Variants in PXDNL observed in about 807,000 individuals in gnomAD.
PXDNL encodes the protein peroxidasin like.
PXDNL carries 145 observed loss-of-function variants against 150.8 expected under a neutral mutation model. That is an observed-to-expected ratio of 0.96 (90% confidence interval 0.84 to 1.10). The LOEUF (loss-of-function observed/expected upper bound fraction) is 1.10. Among genes scored for constraint, PXDNL ranks in the 50% least tolerant of loss-of-function variants. The pLI is 0.00. For synonymous variants in PXDNL, 757 were observed against 725.7 expected (o/e 1.04, Z -0.69); for missense variants, 2,087 against 1,873.9 (o/e 1.11, Z -2.10).
intron 2 of PXDNL, among the ~76,000 whole-genome samples, chr8:51,630,316 T>TAAAACTATA (rs1814463486): frequency 6.6e-6 from 1 of 152,000 alleles, no homozygotes; most frequent in South Asian, 2.1e-4. Flanking sequence ...ATGTAACATG[T>TAAAACTATA]AAAACTATAA....
At chr8:51,680,776 G>C (rs1815730107) in intron 1 of PXDNL, among the ~76,000 whole-genome samples, 2 of 152,108 alleles carry the variant, frequency 1.3e-5, no homozygotes, top group South Asian at 4.1e-4. Flanking sequence ...GCGTCCCTGT[G>C]CCTCAATTTT....
intron 5 of PXDNL, among the ~76,000 whole-genome samples, chr8:51,498,833 C>T (rs955214540): frequency 6.6e-6 from 1 of 152,186 alleles, no homozygotes; most frequent in African/African-American, 2.4e-5. Flanking sequence ...TAAAATAGAA[C>T]TATGCAAGTT....
intron 4 of PXDNL, among the ~76,000 whole-genome samples, chr8:51,542,341 G>T (rs898910866): frequency 6.6e-6 from 1 of 152,080 alleles, no homozygotes; most frequent in African/African-American, 2.4e-5. Context: ...CAAGTTTATT[G>T]AATATTATGG....
intron 17 of PXDNL, among the ~76,000 whole-genome samples, chr8:51,379,940 T>G (rs1159371268): frequency 1.3e-5 from 2 of 152,150 alleles, no homozygotes; most frequent in Non-Finnish European, 2.9e-5. Flanking sequence ...TTGCAGCTCT[T>G]TCAAATAGGA....
rs145006537 is a variant in PXDNL, at chr8:51,794,641, G to T, written c.164+14540C>A. Among the ~76,000 whole-genome samples the T allele has an allele frequency of 4.7e-3, 717 of 152,238 alleles. 5 individuals are homozygous for T. The highest frequency in any genetic ancestry group is 0.017 in the Middle Eastern group (5 of 294). ...AATTCATCACCACCAGGCCTGCCTT[G>T]CAAGAGCTCCTGAAGGAAGTACTAA... On this transcript the variant is annotated intron_variant, in intron 1 of 22. Coordinates refer to ENST00000356297, the MANE Select transcript of PXDNL (RefSeq NM_144651.5).
Position 51,744,063 on chromosome 8 carries a change from AAGGAAGGAAGGAAGGAAGGAAG to A in PXDNL, c.164+65096_164+65117del, listed in dbSNP as rs2036940444. Among the ~76,000 whole-genome samples, 313 of 76,094 alleles carry A rather than the reference AAGGAAGGAAGGAAGGAAGGAAG, an allele frequency of 4.1e-3. 12 individuals are homozygous for A. Among genetic ancestry groups the A allele is most frequent in the African/African-American group, 9.2e-3 (201 of 21,894 alleles). The allele number at this position is 76,094 out of a possible 152,430, so 49.9% of individuals were successfully genotyped here. ...GAAGGAAGGAAGGAAGGAAGGAAGG[AAGGAAGGAAGGAAGGAAGGAAG>A]GAAGGAAGGAAAGAAAGAAAGAAAG... On this transcript the variant is annotated intron_variant, in intron 1 of 22. Transcript: ENST00000356297.
At chr8:51,330,114 C>A (rs77153470) in intron 21 of PXDNL, among the ~76,000 whole-genome samples, 1,617 of 152,272 alleles carry the variant, frequency 0.011, 26 homozygotes, top group African/African-American at 0.037. Context: ...TGCCCCCCTA[C>A]ACTGGGAGGG....
intron 17 of PXDNL, among the ~76,000 whole-genome samples, chr8:51,376,728 T>C (rs1233623415): frequency 6.6e-6 from 1 of 151,598 alleles, no homozygotes; most frequent in Non-Finnish European, 1.5e-5. Context: ...TCTCTCTCTT[T>C]TTTTTTTTTA....
At chr8:51,634,031 G>A (rs1814549137) in intron 2 of PXDNL, among the ~76,000 whole-genome samples, 1 of 152,078 alleles carries the variant, frequency 6.6e-6, no homozygotes, top group East Asian at 1.9e-4. Context: ...TGCTTTTGAG[G>A]ACTTAGTCAT....
At chr8:51,787,100 G>GAGAA (rs1554516004) in intron 1 of PXDNL, among the ~76,000 whole-genome samples, 3 of 140,998 alleles carry the variant, frequency 2.1e-5, no homozygotes, top group African/African-American at 5.3e-5. Context: ...CTACTTCCCA[G>GAGAA]AAAAAAAAAA....
At chr8:51,576,558 A>T (rs1813059811) in intron 3 of PXDNL, among the ~76,000 whole-genome samples, 1 of 151,936 alleles carries the variant, frequency 6.6e-6, no homozygotes. Context: ...ACATGCTTAC[A>T]TTATAAAAGA....
chr8:51,385,978 A>G (rs190166198), intron 17 of PXDNL, among the ~76,000 whole-genome samples: 2 of 152,354 alleles, frequency 1.3e-5, no homozygotes, highest in Admixed American at 1.3e-4. Context: ...GTGTTTATCA[A>G]GCAGCATGAA....
At chr8:51,626,220 T>C (rs1433084405) in intron 2 of PXDNL, among the ~76,000 whole-genome samples, 1 of 152,244 alleles carries the variant, frequency 6.6e-6, no homozygotes, top group Non-Finnish European at 1.5e-5. Flanking sequence ...TAGTTTTCTA[T>C]CTGCCTACTT....
chr8:51,375,297 A>G (rs189109624), intron 17 of PXDNL, among the ~76,000 whole-genome samples: 1 of 152,334 alleles, frequency 6.6e-6, no homozygotes, highest in African/African-American at 2.4e-5. Flanking sequence ...CAAACAAAAA[A>G]GCACAATGCA....
chr8:51,589,121 T>C (rs1395133621), intron 3 of PXDNL, among the ~76,000 whole-genome samples: 1 of 152,266 alleles, frequency 6.6e-6, no homozygotes, highest in Non-Finnish European at 1.5e-5. Flanking sequence ...TTCCACTATG[T>C]TGTGACACAG....
intron 1 of PXDNL, among the ~76,000 whole-genome samples, chr8:51,806,159 C>G (rs1187214768): frequency 1.3e-5 from 2 of 152,030 alleles, no homozygotes; most frequent in African/African-American, 4.8e-5. Flanking sequence ...CAACTGTAAC[C>G]AATCTTAAAA....
At chr8:51,474,747 A>G (rs1294100958) in intron 7 of PXDNL, among the ~76,000 whole-genome samples, 1 of 152,214 alleles carries the variant, frequency 6.6e-6, no homozygotes, top group Non-Finnish European at 1.5e-5. Context: ...ATTAGATTAA[A>G]TCTTCCTCAA....
In PXDNL at chr8:51,614,285, T is replaced by C. The variant is rs59732945; in HGVS notation, c.237-21587A>G. On this transcript the variant is annotated intron_variant, in intron 2 of 22. Transcript: ENST00000356297. ...GCTGTCTCCTTACATATTTCAAGTT[T>C]GGCCTAAAGGTTTCTTCGTACATAG... 2.5e-3 allele frequency among the ~76,000 whole-genome samples: 384 copies of C among 152,324 alleles called. 1 individual carries two copies. The highest frequency in any genetic ancestry group is 8.8e-3 in the African/African-American group (366 of 41,580).
intron 3 of PXDNL, among the ~76,000 whole-genome samples, chr8:51,576,706 T>C (rs1255750169): frequency 6.7e-6 from 1 of 148,568 alleles, no homozygotes; most frequent in African/African-American, 2.5e-5. Context: ...CAACAGAAAA[T>C]CAGAGAACTA....
Sources: gnomAD v4.1 joint callset for allele counts (sites outside exome capture counted in the v4.1 genomes callset) on GRCh38, gnomAD v4.1.1 for gene constraint, MANE v1.5 for transcripts, NCBI Gene and HGNC (gene_info 2026-07-23, HGNC 2026-07-21) for gene names.